Variants in RGSL1 observed in about 807,000 individuals in gnomAD.
RGSL1 encodes regulator of G protein signaling protein-like.
In RGSL1, 97 loss-of-function variants were observed where a neutral mutation model predicts 124.7. The observed-to-expected ratio is 0.78, with a 90% CI of 0.66 to 0.92. The LOEUF is 0.92. Ranked by LOEUF, RGSL1 falls within the 40% of genes least tolerant of loss-of-function variation. RGSL1 has a pLI of 0.00. For missense variants in RGSL1, 1,233 were observed against 1,288.4 expected (o/e 0.96, Z 0.66); for synonymous variants, 424 against 438.1 (o/e 0.97, Z 0.40).
chr1:182,520,349 G>T (rs1457142481), intron 9 of RGSL1, among the ~76,000 whole-genome samples: 1 of 152,072 alleles, frequency 6.6e-6, no homozygotes, highest in Non-Finnish European at 1.5e-5. Flanking sequence ...GCCCCCTTCT[G>T]TCCTGAGAAT....
At chr1:182,531,216 T>C (rs1366761067) in intron 13 of RGSL1, among the ~76,000 whole-genome samples, 1 of 152,156 alleles carries the variant, frequency 6.6e-6, no homozygotes, top group Non-Finnish European at 1.5e-5. Context: ...CAGTCACTGG[T>C]CTAACGGAAC....
intron 9 of RGSL1, among the ~76,000 whole-genome samples, chr1:182,520,412 A>T (rs899932673): frequency 3.3e-5 from 5 of 152,190 alleles, no homozygotes; most frequent in African/African-American, 7.2e-5. Context: ...CATAATTGTC[A>T]AATGTCTTAA....
Position 182,527,980 on chromosome 1 carries a change from C to T in RGSL1, c.2125+208C>T, listed in dbSNP as rs191030990. 6.6e-5 allele frequency among the ~76,000 whole-genome samples: 10 copies of T among 152,192 alleles called. No homozygotes were observed. In the East Asian group the frequency reaches 1.9e-3, roughly 29 times the overall value. Reference sequence around the variant, plus strand: ...AGTCTTAATACGAGTTGTATTAATCCGTTCTCACACTGCTGTGAAGAAATG... The same window carrying T: ...AGTCTTAATACGAGTTGTATTAATCTGTTCTCACACTGCTGTGAAGAAATG... On this transcript the variant is annotated intron_variant, in intron 11 of 21. Transcript: ENST00000294854.
At position 182,493,078 on chromosome 1, in the gene RGSL1, CAGA is replaced by C; in HGVS notation, c.1778_1780del (p.Lys593del). 6.4e-7 allele frequency: 1 copy of C among 1,551,666 alleles called. No individual in the cohort carries two copies. Among genetic ancestry groups the C allele is most frequent in the Non-Finnish European group, 8.7e-7 (1 of 1,146,918 alleles). ...CTACAAGAACCCAAAGATGGCCATA[CAGA>C]AGATCAGTGATGACTACAAAATATA... On this transcript the variant is annotated inframe_deletion, in exon 9 of 22. Coordinates refer to ENST00000294854, the MANE Select transcript of RGSL1 (RefSeq NM_001137669.2).
chr1:182,502,896 T>C (rs1386361985), intron 9 of RGSL1, among the ~76,000 whole-genome samples: 1 of 152,220 alleles, frequency 6.6e-6, no homozygotes, highest in Non-Finnish European at 1.5e-5. Context: ...AAAATTAATG[T>C]ACTTTTCAAG....
chr1:182,490,670 G>A lies in RGSL1; in HGVS notation c.1717+1468G>A, dbSNP rs115271386. On this transcript the variant is annotated intron_variant, in intron 8 of 21. Coordinates refer to ENST00000294854, the MANE Select transcript of RGSL1 (RefSeq NM_001137669.2). Reference sequence around the variant, plus strand: ...ACCACACATATGTTGGGCAATAGGCGTTACTTTGGTGGCTATGGGACACAA... The same window carrying A: ...ACCACACATATGTTGGGCAATAGGCATTACTTTGGTGGCTATGGGACACAA... 8.8e-3 allele frequency among the ~76,000 whole-genome samples: 1,339 copies of A among 152,240 alleles called. 16 individuals carry two copies. Among genetic ancestry groups the A allele is most frequent in the African/African-American group, 0.031 (1,280 of 41,536 alleles).
At chr1:182,488,631 C>G (rs1200029794) in intron 7 of RGSL1, 1 of 376,180 alleles carries the variant, frequency 2.7e-6, no homozygotes, top group African/African-American at 2.2e-5. Flanking sequence ...GAGGCTGAGG[C>G]AGGAGAATGG....
upstream of RGSL1, chr1:182,450,094 T>G (rs1297728958): frequency 4.6e-6 from 7 of 1,530,776 alleles, no homozygotes; most frequent in Non-Finnish European, 6.2e-6. Flanking sequence ...GTGTTCACAA[T>G]GGATATAGTT....
chr1:182,472,063 G>GTT (rs34447511), intron 4 of RGSL1, among the ~76,000 whole-genome samples: 1 of 151,938 alleles, frequency 6.6e-6, no homozygotes, highest in Non-Finnish European at 1.5e-5. Context: ...AGGAAATGTG[G>GTT]TTTTTTTCCC....
intron 1 of RGSL1, among the ~76,000 whole-genome samples, chr1:182,453,151 C>T (rs373101414): frequency 2.0e-5 from 3 of 152,208 alleles, no homozygotes; most frequent in African/African-American, 4.8e-5. Flanking sequence ...TTGGGCAGCA[C>T]GATGATCACA....
rs573455434 is a variant in RGSL1 at position 182,484,811 on chromosome 1, T to C, written c.1432-3474T>C. Among the ~76,000 whole-genome samples, 6 of 152,234 alleles carry C rather than the reference T, an allele frequency of 3.9e-5. No homozygotes were observed. In the South Asian group the frequency reaches 1.2e-3, roughly 32 times the overall value. ...GAAGTGGGCAGAGCAGTTCCACTTG[T>C]GGTTGGCCCCAAGGGGAAGAGTGTG... On this transcript the variant is annotated intron_variant, in intron 6 of 21. Coordinates refer to ENST00000294854, the MANE Select transcript of RGSL1 (RefSeq NM_001137669.2).
chr1:182,504,801 C>T (rs532035090), intron 9 of RGSL1, among the ~76,000 whole-genome samples: 36 of 152,190 alleles, frequency 2.4e-4, no homozygotes, highest in African/African-American at 7.7e-4. Flanking sequence ...AATAAATTAC[C>T]GGTCTTTGTA....
chr1:182,513,378 A>T (rs668406), intron 9 of RGSL1, among the ~76,000 whole-genome samples: 130,916 of 151,836 alleles, frequency 0.86, 56,756 homozygotes, highest in African/African-American at 0.9. Flanking sequence ...GAAAAAAAAG[A>T]TTTATAAGGT....
At chr1:182,493,438 C>T (rs1025502042) in intron 9 of RGSL1, among the ~76,000 whole-genome samples, 7 of 152,106 alleles carry the variant, frequency 4.6e-5, no homozygotes, top group Non-Finnish European at 8.8e-5. Flanking sequence ...TGTCAAGTTA[C>T]CTGGAGGCTG....
In RGSL1 at chr1:182,474,515, T is replaced by C; in HGVS notation, c.1404T>C (p.Ile468=). ...LLPSGDVIPW[I]PKAQKEICKM... is the part of the protein sequence containing the mutation. ...CCTCTGGGGATGTGATCCCCTGGATTCCCAAAGCCCAGAAGGAGATTTGCA... is the reference window on the plus strand; with the variant it reads ...CCTCTGGGGATGTGATCCCCTGGATCCCCAAAGCCCAGAAGGAGATTTGCA... Residue 468 remains isoleucine, a synonymous_variant, in exon 6 of 22, where the codon ATT becomes ATC. Transcript: ENST00000294854. 2 of 1,547,300 alleles carry C rather than the reference T, an allele frequency of 1.3e-6. No individual in the cohort carries two copies. Among genetic ancestry groups the C allele is most frequent in the South Asian group, 2.4e-5 (2 of 83,810 alleles).
intron 4 of RGSL1, among the ~76,000 whole-genome samples, chr1:182,461,213 A>G (rs937532353): frequency 1.3e-5 from 2 of 152,046 alleles, no homozygotes; most frequent in African/African-American, 4.8e-5. Flanking sequence ...AGAAAATTAG[A>G]AAGTAACTGC....
At chr1:182,524,017 A>G (rs534506255) in intron 10 of RGSL1, among the ~76,000 whole-genome samples, 3 of 152,336 alleles carry the variant, frequency 2.0e-5, no homozygotes, top group South Asian at 2.1e-4. Flanking sequence ...CGAAGATACA[A>G]CACAAAGCTA....
At chr1:182,464,716 T>TC (rs1653134968) in intron 4 of RGSL1, among the ~76,000 whole-genome samples, 1 of 148,390 alleles carries the variant, frequency 6.7e-6, no homozygotes, top group African/African-American at 2.5e-5. Flanking sequence ...AGAGCAAGAC[T>TC]CTGCTCAGAA....
intron 6 of RGSL1, among the ~76,000 whole-genome samples, chr1:182,483,490 G>A (rs1654865479): frequency 6.6e-6 from 1 of 151,904 alleles, no homozygotes; most frequent in African/African-American, 2.4e-5. Flanking sequence ...TAAAATAAAT[G>A]TAAAATTCTC....
Sources: gnomAD v4.1 joint callset for allele counts (sites outside exome capture counted in the v4.1 genomes callset) on GRCh38, gnomAD v4.1.1 for gene constraint, MANE v1.5 for transcripts, NCBI Gene and HGNC (gene_info 2026-07-23, HGNC 2026-07-21) for gene names.